Variants in MACC1 observed in about 807,000 individuals in gnomAD.
MACC1 encodes the protein MET transcriptional regulator MACC1, also known as metastasis-associated in colon cancer protein 1.
Under a neutral mutation model 70.7 loss-of-function variants are expected in MACC1, and 79 were observed. That is an observed-to-expected ratio of 1.12 (90% CI 0.93 to 1.35). MACC1 has a LOEUF of 1.35. Among genes scored for constraint, MACC1 ranks in the 40% most tolerant of loss-of-function variants. MACC1 has a pLI of 0.00. For missense variants in MACC1, 1,106 were observed against 978.1 expected, an observed-to-expected ratio of 1.13 and a Z score of -1.74; for synonymous variants, 361 against 347.2, an observed-to-expected ratio of 1.04 and a Z score of -0.44.
intron 1 of MACC1, among the ~76,000 whole-genome samples, chr7:20,203,542 T>A (rs947652064): frequency 1.3e-5 from 2 of 152,184 alleles, no homozygotes; most frequent in Non-Finnish European, 2.9e-5. Flanking sequence ...AGCTCTGGTT[T>A]CCAGGCAGGC....
At chr7:20,172,774 C>G (rs1192268220) in intron 1 of MACC1, among the ~76,000 whole-genome samples, 4 of 152,202 alleles carry the variant, frequency 2.6e-5, no homozygotes, top group Non-Finnish European at 4.4e-5. Context: ...TCTTCCTCTC[C>G]TTTTTCCTCC....
At chr7:20,172,308 G>A (rs759831221) in intron 1 of MACC1, among the ~76,000 whole-genome samples, 2 of 152,136 alleles carry the variant, frequency 1.3e-5, no homozygotes, top group South Asian at 2.1e-4. Flanking sequence ...CTCTCAGTCC[G>A]GAGCAAACCA....
In MACC1 at chr7:20,137,865, C is replaced by T. The variant is rs2128099079; in HGVS notation, c.*3081G>A. ...GTTTGGACATGGGCTTAAAATTCCT[C>T]TGGAAGGCTGGGAGCAGTGGCTCAT... is the stretch of plus-strand genomic sequence containing the variant. On this transcript the variant is annotated 3_prime_UTR_variant, in exon 7 of 7. Transcript: ENST00000400331. 6.6e-6 allele frequency: 1 copy of T among 152,170 alleles called. No individual in the cohort carries two copies. The highest frequency in any genetic ancestry group is 2.4e-5 in the African/African-American group (1 of 41,528). 9.4% of individuals were successfully genotyped at this position (152,170 alleles called of 1,614,324 possible).
intron 1 of MACC1, among the ~76,000 whole-genome samples, chr7:20,212,593 T>G (rs372049556): frequency 2.0e-5 from 3 of 152,116 alleles, no homozygotes; most frequent in African/African-American, 7.2e-5. Flanking sequence ...AGGAACATAC[T>G]TGTCTCCTCC....
chr7:20,171,999 T>A (rs1472782030), intron 1 of MACC1, among the ~76,000 whole-genome samples: 1 of 152,180 alleles, frequency 6.6e-6, no homozygotes, highest in Non-Finnish European at 1.5e-5. Flanking sequence ...CAAGTGATTG[T>A]AGCCTAGAAG....
intron 2 of MACC1, among the ~76,000 whole-genome samples, chr7:20,169,612 C>A (rs1050983487): frequency 1.3e-5 from 2 of 152,178 alleles, no homozygotes; most frequent in Admixed American, 6.5e-5. Context: ...TGTCATCAGT[C>A]AGCAATGTCT....
intron 1 of MACC1, among the ~76,000 whole-genome samples, chr7:20,182,741 CT>C (rs1220882525): frequency 6.6e-6 from 1 of 152,102 alleles, no homozygotes; most frequent in Non-Finnish European, 1.5e-5. Flanking sequence ...CTTCCTCATT[CT>C]TTGGTTTCTG....
In MACC1 at chr7:20,183,057, G is replaced by A. The variant is rs1000670700; in HGVS notation, c.-217-12279C>T. Among the ~76,000 whole-genome samples, 14 of 152,276 alleles carry A rather than the reference G, an allele frequency of 9.2e-5. No individual in the cohort carries two copies. In the East Asian group the frequency reaches 2.7e-3, roughly 29 times the overall value. On this transcript the variant is annotated intron_variant, in intron 1 of 6. Transcript: ENST00000400331. ...TGTCAATCCCCTCCTGTGAATGTGG[G>A]TTGAATCTGCTATTATGATAAGATG... is the stretch of plus-strand genomic sequence containing the variant.
At chr7:20,215,358 G>A (rs868532646) in intron 1 of MACC1, among the ~76,000 whole-genome samples, 4 of 152,120 alleles carry the variant, frequency 2.6e-5, no homozygotes, top group Admixed American at 6.5e-5. Context: ...GTATATTGCA[G>A]GATTGCTAGA....
chr7:20,166,512 T>A (rs1313469730), intron 2 of MACC1, among the ~76,000 whole-genome samples: 3 of 152,186 alleles, frequency 2.0e-5, no homozygotes, highest in Non-Finnish European at 4.4e-5. Context: ...TTTAATAGTA[T>A]ACACCATACA....
chr7:20,139,034 G>T lies in MACC1; in HGVS notation c.*1912C>A, dbSNP rs1442315339. On this transcript the variant is annotated 3_prime_UTR_variant, in exon 7 of 7. Coordinates refer to ENST00000400331, the MANE Select transcript of MACC1 (RefSeq NM_182762.4). ...CAGCATACCAAATATCCCAGGGTGG[G>T]TATATTAAAAGCCCTAAAAAGATTC... 2.0e-5 allele frequency: 3 copies of T among 152,136 alleles called. No homozygotes were observed. The allele number at this position is 152,136 out of a possible 1,614,324, so 9.4% of individuals were successfully genotyped here. A position where few individuals can be genotyped will look rare whatever the true frequency, so the allele number is the denominator to read the frequency against.
rs1488458760 is a variant in MACC1, at chr7:20,138,211, T to C, written c.*2735A>G. 1.3e-5 allele frequency: 2 copies of C among 150,360 alleles called. No homozygotes were observed. Among genetic ancestry groups the C allele is most frequent in the East Asian group, 1.9e-4 (1 of 5,146 alleles). 9.3% of individuals were successfully genotyped at this position (150,360 alleles called of 1,614,324 possible). A position where few individuals can be genotyped will look rare whatever the true frequency, so the allele number is the denominator to read the frequency against. ...CCCCTGGAAGGATTTGTTACAAGAT[T>C]ATAAAATATATTTGTGTGTATTAAT... On this transcript the variant is annotated 3_prime_UTR_variant, in exon 7 of 7. Coordinates refer to ENST00000400331, the MANE Select transcript of MACC1 (RefSeq NM_182762.4).
intron 2 of MACC1, among the ~76,000 whole-genome samples, chr7:20,168,478 A>T (rs560493996): frequency 6.6e-6 from 1 of 152,242 alleles, no homozygotes; most frequent in Admixed American, 6.5e-5. Flanking sequence ...CAGTGATCAT[A>T]GAACACAAAG....
At position 20,214,299 on chromosome 7, in the gene MACC1, T is replaced by C. The variant is rs535874355; in HGVS notation, c.-218+3000A>G. Among the ~76,000 whole-genome samples the C allele has an allele frequency of 3.3e-5, 5 of 152,264 alleles. No homozygotes were observed. The South Asian group carries it at 1.0e-3, about 32-fold the overall frequency. On this transcript the variant is annotated intron_variant, in intron 1 of 6. Coordinates refer to ENST00000400331, the MANE Select transcript of MACC1 (RefSeq NM_182762.4). ...ATCCCCTAGAATACCCTCCATGGAA[T>C]ACCCAGTATCCCTCCTTTCTTTCCA...
intron 1 of MACC1, among the ~76,000 whole-genome samples, chr7:20,188,474 C>A (rs112722653): frequency 6.6e-6 from 1 of 152,056 alleles, no homozygotes; most frequent in Non-Finnish European, 1.5e-5. Flanking sequence ...TCTATTGCAC[C>A]TTTTCTATAA....
intron 1 of MACC1, among the ~76,000 whole-genome samples, chr7:20,201,197 G>T (rs1036325297): frequency 6.6e-6 from 1 of 152,130 alleles, no homozygotes; most frequent in Non-Finnish European, 1.5e-5. Context: ...GAAGCAGCAG[G>T]ATCATGCAAT....
rs776761736 is a variant in MACC1, at chr7:20,158,480, A to G, written c.1881T>C (p.Asp627=). Residue 627 remains aspartate, a synonymous_variant, in exon 5 of 7, where the codon GAT becomes GAC. Transcript: ENST00000400331. ...GAAGATTTCTGGTTGTAAAGACACT[A>G]TCTGACATAAACATTACTTGCTCCT... ...ISKEQVMFMS[D]SVFTTRNLLE... 3 of 1,613,940 alleles carry G rather than the reference A, an allele frequency of 1.9e-6. No homozygotes were observed. The African/African-American group carries it at 4.0e-5, about 22-fold the overall frequency.
At chr7:20,150,051 C>T (rs1046803180) in intron 6 of MACC1, among the ~76,000 whole-genome samples, 3 of 152,082 alleles carry the variant, frequency 2.0e-5, no homozygotes, top group African/African-American at 4.8e-5. Flanking sequence ...AATAGAGATA[C>T]TGTAAAGAAA....
At chr7:20,165,725 G>A (rs956661696) in intron 2 of MACC1, among the ~76,000 whole-genome samples, 3 of 151,922 alleles carry the variant, frequency 2.0e-5, no homozygotes, top group Non-Finnish European at 4.4e-5. Flanking sequence ...AGAGAAACAT[G>A]AGTCAGTCTT....
Sources: gnomAD v4.1 joint callset for allele counts (sites outside exome capture counted in the v4.1 genomes callset) on GRCh38, gnomAD v4.1.1 for gene constraint, MANE v1.5 for transcripts, NCBI Gene and HGNC (gene_info 2026-07-23, HGNC 2026-07-21) for gene names.